The following EXOC5 variants were observed in gnomAD, a reference collection of about 807,000 sequenced individuals.
EXOC5 encodes the protein exocyst complex component 5, also known as SEC10-like 1.
In EXOC5, 17 loss-of-function variants were observed where a neutral mutation model predicts 90.8. The ratio of observed to expected loss-of-function variants is 0.19; its 90% CI spans 0.13 to 0.28. The LOEUF (loss-of-function observed/expected upper bound fraction) is 0.28. Ranked by LOEUF, EXOC5 falls within the 10% of genes least tolerant of loss-of-function variation. The pLI is 1.00. For synonymous variants in EXOC5, 260 were observed against 270.0 expected, an observed-to-expected ratio of 0.96 and a Z score of 0.36; for missense variants, 569 against 830.6, an observed-to-expected ratio of 0.69 and a Z score of 3.87.
rs1882481013 is a variant in EXOC5 at position 57,200,937 on chromosome 14, C to A, written c.*7672G>T. On this transcript the variant is annotated 3_prime_UTR_variant, in exon 18 of 18. Transcript: ENST00000621441. ...TATGTGAGATGAGGATGGTCTCCTC[C>A]AGAGAGAGGGGAAGCCCAGTATGGA... 1 of 152,042 alleles carries A rather than the reference C, an allele frequency of 6.6e-6. No individual in the cohort carries two copies. The highest frequency in any genetic ancestry group is 6.6e-5 in the Admixed American group (1 of 15,238). 9.4% of individuals were successfully genotyped at this position (152,042 alleles called of 1,614,324 possible). A position where few individuals can be genotyped will look rare whatever the true frequency, so the allele number is the denominator to read the frequency against.
In EXOC5 at chr14:57,203,923, A is replaced by G. The variant is rs1882572024; in HGVS notation, c.*4686T>C. The G allele has an allele frequency of 6.6e-6, 1 of 152,608 alleles. No individual in the cohort carries two copies. The highest frequency in any genetic ancestry group is 1.5e-5 in the Non-Finnish European group (1 of 68,020). 9.5% of individuals were successfully genotyped at this position (152,608 alleles called of 1,614,324 possible). On this transcript the variant is annotated 3_prime_UTR_variant, in exon 18 of 18. Coordinates refer to ENST00000621441, the MANE Select transcript of EXOC5 (RefSeq NM_006544.4). ...ACCTGCTCAAATATTAGTGCAAATAATTATATATTTGTAATGCATCACTGC... is the reference window on the plus strand; with the variant it reads ...ACCTGCTCAAATATTAGTGCAAATAGTTATATATTTGTAATGCATCACTGC...
chr14:57,235,289 T>C (rs761193565), intron 7 of EXOC5, among the ~76,000 whole-genome samples: 1 of 152,148 alleles, frequency 6.6e-6, no homozygotes, highest in African/African-American at 2.4e-5. Flanking sequence ...TTCTTTTGTA[T>C]TACCTCCTGA....
At chr14:57,266,769 CT>C (rs1884682732) in intron 1 of EXOC5, among the ~76,000 whole-genome samples, 1 of 149,000 alleles carries the variant, frequency 6.7e-6, no homozygotes, top group African/African-American at 2.5e-5. Flanking sequence ...TATATATATA[CT>C]ACTTAACCTA....
rs142336972 is a variant in EXOC5, at chr14:57,229,502, G to A, written c.1296+232C>T. ...AACACTAAAGTTACAACTATTTACA[G>A]AGATTTACGTTGCACTAGGTAATGT... On this transcript the variant is annotated intron_variant, in intron 12 of 17. Coordinates refer to ENST00000621441, the MANE Select transcript of EXOC5 (RefSeq NM_006544.4). 3.6e-3 allele frequency among the ~76,000 whole-genome samples: 544 copies of A among 152,214 alleles called. 4 individuals carry two copies. Among genetic ancestry groups the A allele is most frequent in the Middle Eastern group, 6.8e-3 (2 of 294 alleles).
intron 1 of EXOC5, among the ~76,000 whole-genome samples, chr14:57,251,933 T>C (rs1334690224): frequency 3.9e-5 from 6 of 152,122 alleles, no homozygotes; most frequent in African/African-American, 1.4e-4. Flanking sequence ...CAAACAATTG[T>C]ATACCAATGA....
intron 1 of EXOC5, among the ~76,000 whole-genome samples, chr14:57,250,064 G>T (rs1243917025): frequency 6.6e-6 from 1 of 152,134 alleles, no homozygotes; most frequent in South Asian, 2.1e-4. Flanking sequence ...GAGCCACCAG[G>T]CCTGGCCAGA....
rs1291148023 is a variant in EXOC5, at chr14:57,207,458, A to G, written c.*1151T>C. The G allele has an allele frequency of 2.6e-5, 4 of 152,456 alleles. No individual in the cohort carries two copies. The highest frequency in any genetic ancestry group is 9.7e-5 in the African/African-American group (4 of 41,436). The allele number at this position is 152,456 out of a possible 1,614,324, so 9.4% of individuals were successfully genotyped here. A position where few individuals can be genotyped will look rare whatever the true frequency, so the allele number is the denominator to read the frequency against. On this transcript the variant is annotated 3_prime_UTR_variant, in exon 18 of 18. Coordinates refer to ENST00000621441, the MANE Select transcript of EXOC5 (RefSeq NM_006544.4). ...TGGCCTTTCTAAATTTTCACTTGAT[A>G]TTTAAAATTTTATAAGTGATTTATT...
At chr14:57,222,280 A>C in intron 13 of EXOC5, 28 bp downstream of exon 13, 2 of 1,099,038 alleles carry the variant, frequency 1.8e-6, no homozygotes, top group Non-Finnish European at 2.7e-6. Flanking sequence ...AAAAGAATTT[A>C]ACACAAGTGT....
intron 11 of EXOC5, 90 bp downstream of exon 11, chr14:57,231,416 A>C: frequency 1.3e-6 from 1 of 797,436 alleles, no homozygotes; most frequent in Non-Finnish European, 2.0e-6. Context: ...AGAAAATTCT[A>C]ATGATAGTCA....
At chr14:57,267,992 G>A (rs1043867317) in intron 1 of EXOC5, among the ~76,000 whole-genome samples, 4 of 151,816 alleles carry the variant, frequency 2.6e-5, no homozygotes, top group African/African-American at 9.7e-5. Context: ...ATGAAATAAA[G>A]TGTTCACTTG....
chr14:57,237,254 G>A, intron 6 of EXOC5, 84 bp downstream of exon 6: 1 of 770,780 alleles, frequency 1.3e-6, no homozygotes, highest in African/African-American at 1.8e-5. Context: ...CATTGTTCCT[G>A]CTTTTTCTCC....
At chr14:57,255,691 G>C (rs189084605) in intron 1 of EXOC5, among the ~76,000 whole-genome samples, 6 of 152,232 alleles carry the variant, frequency 3.9e-5, no homozygotes, top group Admixed American at 3.9e-4. Context: ...AAATTAGCTG[G>C]GTTGGTGGTG....
intron 15 of EXOC5, 45 bp from the exon 16 acceptor site, chr14:57,210,106 T>C (rs1292306014): frequency 1.0e-5 from 6 of 596,570 alleles, no homozygotes; most frequent in Non-Finnish European, 1.1e-5. Context: ...TCTAACTTAC[T>C]CTATGTTTAT....
chr14:57,263,444 T>A (rs2139673211), intron 1 of EXOC5, among the ~76,000 whole-genome samples: 1 of 151,392 alleles, frequency 6.6e-6, no homozygotes, highest in African/African-American at 2.4e-5. Flanking sequence ...CACTCCAGCC[T>A]GGGTGACAGA....
intron 3 of EXOC5, among the ~76,000 whole-genome samples, chr14:57,246,295 A>C (rs1215440718): frequency 6.6e-6 from 1 of 152,208 alleles, no homozygotes; most frequent in Admixed American, 6.5e-5. Flanking sequence ...GGTTTTCTCA[A>C]GGGAAAACCT....
intron 5 of EXOC5, among the ~76,000 whole-genome samples, chr14:57,238,254 A>T (rs1450374255): frequency 1.8e-5 from 2 of 114,100 alleles, no homozygotes; most frequent in East Asian, 2.7e-4. Flanking sequence ...ACACACACAC[A>T]CTCATATTCA....
chr14:57,243,171 A>C (rs1051372719), intron 4 of EXOC5: 2 of 152,222 alleles, frequency 1.3e-5, no homozygotes, highest in Non-Finnish European at 1.5e-5. Flanking sequence ...GGTGACAGGT[A>C]CACTAAAATC....
intron 5 of EXOC5, chr14:57,237,739 T>C (rs1328277636): frequency 6.2e-6 from 1 of 161,110 alleles, no homozygotes; most frequent in African/African-American, 2.4e-5. Context: ...TACTTTTATT[T>C]GCTGGCATTT....
rs898879356 is a variant in EXOC5 at position 57,202,544 on chromosome 14, A to C, written c.*6065T>G. The C allele has an allele frequency of 3.3e-5, 5 of 152,174 alleles. No homozygotes were observed. The highest frequency in any genetic ancestry group is 1.2e-4 in the African/African-American group (5 of 41,442). 9.4% of individuals were successfully genotyped at this position (152,174 alleles called of 1,614,324 possible). On this transcript the variant is annotated 3_prime_UTR_variant, in exon 18 of 18. Transcript: ENST00000621441. ...CCCTTCTGTTAAGTCTGATTGTTTC[A>C]AAAATTTTTCTTTAAAAAGCAGAAT...
Sources: gnomAD v4.1 joint callset for allele counts (sites outside exome capture counted in the v4.1 genomes callset) on GRCh38, gnomAD v4.1.1 for gene constraint, MANE v1.5 for transcripts, NCBI Gene and HGNC (gene_info 2026-07-23, HGNC 2026-07-21) for gene names.